The following TMEM223 variants were observed in gnomAD, a reference collection of about 807,000 sequenced individuals.
The protein encoded by TMEM223 is transmembrane protein 223.
TMEM223 carries 14 observed loss-of-function variants against 14.1 expected under a neutral mutation model. That is an observed-to-expected ratio of 0.99 (90% CI 0.66 to 1.55). TMEM223 has a LOEUF of 1.55. TMEM223 is among the 40% of genes most tolerant of loss of function. The pLI is 0.00. For synonymous variants in TMEM223, 145 were observed against 120.5 expected (o/e 1.20, Z -1.33); for missense variants, 346 against 269.9 (o/e 1.28, Z -1.97).
At chr11:62,775,383 C>T (rs1021551336) in intron 1 of TMEM223, among the ~76,000 whole-genome samples, 3 of 152,180 alleles carry the variant, frequency 2.0e-5, no homozygotes, top group African/African-American at 7.2e-5. Flanking sequence ...TGCGGGGACA[C>T]AGCCAAATCA....
chr11:62,787,726 A>G, downstream of TMEM223: 1 of 724,240 alleles, frequency 1.4e-6, no homozygotes. Flanking sequence ...CATACTTCGA[A>G]GTTGTCCCCT....
intron 1 of TMEM223, among the ~76,000 whole-genome samples, chr11:62,779,976 A>ATATATTTTTTT (rs1294367864): frequency 1.9e-5 from 1 of 52,630 alleles, no homozygotes; most frequent in African/African-American, 7.7e-5. Flanking sequence ...ATATATATAT[A>ATATATTTTTTT]TTTTTTTTTT....
downstream of TMEM223, among the ~76,000 whole-genome samples, chr11:62,788,814 C>G (rs969242310): frequency 6.6e-6 from 1 of 152,154 alleles, no homozygotes; most frequent in Non-Finnish European, 1.5e-5. Context: ...ATATTCATTG[C>G]CTATTTTCTG....
intron 1 of TMEM223, 106 bp from the exon 2 acceptor site, chr11:62,791,021 T>C: frequency 2.4e-6 from 3 of 1,269,812 alleles, no homozygotes; most frequent in Non-Finnish European, 2.1e-6. Flanking sequence ...AAGTAGTATT[T>C]ACTGAGCGCT....
At chr11:62,787,246 C>T (rs535970932), downstream of TMEM223, 158 of 1,568,696 alleles carry the variant, frequency 1.0e-4, 2 homozygotes, top group South Asian at 1.7e-3. Context: ...TACCAGCCGC[C>T]CCGCCCGCCG....
chr11:62,787,202 CGCGCTACGT>C, downstream of TMEM223: 2 of 1,588,846 alleles, frequency 1.3e-6, no homozygotes, highest in Non-Finnish European at 1.7e-6. Flanking sequence ...AGCCCGGCCT[CGCGCTACGT>C]GCAGAAACTG....
Position 62,775,913 on chromosome 11 carries a change from CT to C in TMEM223, c.315-1249del, listed in dbSNP as rs755930902. 1.9e-6 allele frequency: 3 copies of C among 1,611,756 alleles called. No individual in the cohort carries two copies. The South Asian group carries it at 3.3e-5, about 18-fold the overall frequency. On this transcript the variant is annotated intron_variant, in intron 1 of 2. Transcript: ENST00000528367. ...GCTCGCAGAGGACGTGTGCTATCGT[CT>C]GAGAGAGGCCACGCAGGTACACTCC...
At chr11:62,780,936 CAAAA>C (rs1302371766) in intron 1 of TMEM223, among the ~76,000 whole-genome samples, 11 of 52,280 alleles carry the variant, frequency 2.1e-4, no homozygotes, top group East Asian at 6.5e-4. Context: ...GACTCCATCT[CAAAA>C]AAAAAAAAAA....
downstream of TMEM223, chr11:62,786,992 G>T: frequency 1.4e-6 from 2 of 1,477,252 alleles, no homozygotes; most frequent in Non-Finnish European, 1.8e-6. Context: ...TCTGAGAGCA[G>T]GCCCTTGCCG....
downstream of TMEM223, chr11:62,787,391 G>C (rs763990565): frequency 5.8e-6 from 9 of 1,554,052 alleles, no homozygotes; most frequent in Non-Finnish European, 6.9e-6. Context: ...GGCTTTGGGC[G>C]GGGTGCTGCT....
At chr11:62,774,047 G>A (rs930292888) in intron 2 of TMEM223, among the ~76,000 whole-genome samples, 8 of 152,104 alleles carry the variant, frequency 5.3e-5, no homozygotes, top group Non-Finnish European at 1.0e-4. Flanking sequence ...TACATGCAGA[G>A]CCTCCAGAGC....
chr11:62,789,338 G>T (rs752707547), downstream of TMEM223: 1 of 1,613,924 alleles, frequency 6.2e-7, no homozygotes. Context: ...AGCTATAGCC[G>T]TCTTCCTGGT....
chr11:62,782,394 G>C, intron 1 of TMEM223: 1 of 1,547,880 alleles, frequency 6.5e-7, no homozygotes, highest in East Asian at 2.2e-5. Flanking sequence ...GTTGGGGTAA[G>C]GAAATGGGGC....
downstream of TMEM223, chr11:62,789,707 T>G: frequency 1.3e-6 from 2 of 1,527,578 alleles, no homozygotes; most frequent in Non-Finnish European, 1.8e-6. Context: ...GAGGAAAAAC[T>G]GACATAAATA....
downstream of TMEM223, among the ~76,000 whole-genome samples, chr11:62,784,178 C>T (rs1249045170): frequency 6.7e-6 from 1 of 148,462 alleles, no homozygotes; most frequent in Non-Finnish European, 1.5e-5. Context: ...TTAGTAGAGA[C>T]GGGGTTTCAC....
intron 1 of TMEM223, 132 bp from the exon 2 acceptor site, chr11:62,791,047 G>A: frequency 1.0e-6 from 1 of 959,818 alleles, no homozygotes. Context: ...TTTTGAGACT[G>A]AGTCTCACTC....
At chr11:62,771,432 C>G (rs1183330048), downstream of TMEM223, 1 of 156,778 alleles carries the variant, frequency 6.4e-6, no homozygotes, top group Admixed American at 6.5e-5. Flanking sequence ...TGGGCGCCGC[C>G]GCCACCGCCC....
intron 1 of TMEM223, among the ~76,000 whole-genome samples, chr11:62,780,937 A>C (rs2084224550): frequency 2.3e-5 from 3 of 132,716 alleles, no homozygotes; most frequent in African/African-American, 8.9e-5. Context: ...ACTCCATCTC[A>C]AAAAAAAAAA....
chr11:62,787,016 C>G, downstream of TMEM223: 1 of 1,489,652 alleles, frequency 6.7e-7, no homozygotes, highest in Non-Finnish European at 8.9e-7. Flanking sequence ...GTGCATCGGG[C>G]GCGCGGGGCA....
Sources: allele counts gnomAD v4.1 joint callset (sites outside exome capture counted in the v4.1 genomes callset), GRCh38; gene constraint gnomAD v4.1.1; transcripts MANE v1.5; gene names NCBI Gene and HGNC (gene_info 2026-07-23, HGNC 2026-07-21).